The following SLC25A43 variants were observed in gnomAD, a reference collection of about 807,000 sequenced individuals.
The protein encoded by SLC25A43 is solute carrier family 25, member 43.
In SLC25A43, 10 loss-of-function variants were observed where a neutral mutation model predicts 22.8. The observed-to-expected ratio is 0.44, with a 90% CI of 0.27 to 0.74. SLC25A43 has a LOEUF of 0.74. SLC25A43 is among the 30% of genes least tolerant of loss of function. The probability of loss-of-function intolerance (pLI) is 0.17; values close to 1 mark genes in which losing one functional copy is unlikely to be tolerated. For missense variants in SLC25A43, 233 were observed against 279.1 expected (o/e 0.83, Z 1.18); for synonymous variants, 106 against 121.6 (o/e 0.87, Z 0.84).
intron 1 of SLC25A43, among the ~76,000 whole-genome samples, chrX:119,405,808 G>C (rs772063759): frequency 8.8e-4 from 97 of 109,939 alleles, no homozygotes; most frequent in African/African-American, 2.8e-3. Flanking sequence ...GAGCGGGGTG[G>C]ATCACCTGAG....
intron 3 of SLC25A43, among the ~76,000 whole-genome samples, chrX:119,449,897 G>A (rs2052693913): frequency 9.0e-6 from 1 of 111,707 alleles, no homozygotes; most frequent in Admixed American, 9.6e-5. Context: ...AGGGCAGTAA[G>A]GGTGGGCGAA....
chrX:119,425,018 C>T (rs1240285151), intron 3 of SLC25A43, among the ~76,000 whole-genome samples: 3 of 111,490 alleles, frequency 2.7e-5, no homozygotes, highest in Admixed American at 1.9e-4. Context: ...CAGAGCATAA[C>T]GAGCCTGGCT....
chrX:119,454,414 TAG>T lies in SLC25A43; in HGVS notation c.*1357_*1358del, dbSNP rs750220294. The T allele has an allele frequency of 8.9e-6, 1 of 112,359 alleles. No homozygotes were observed. The highest frequency in any genetic ancestry group is 3.2e-5 in the African/African-American group (1 of 30,873). The allele number at this position is 112,359 out of a possible 1,213,427, so 9.3% of individuals were successfully genotyped here. On this transcript the variant is annotated 3_prime_UTR_variant, in exon 5 of 5. Transcript: ENST00000217909. ...TTATACACACACATACACTCATACATAGAGAGAGATTTTCGGTATGTTGCAAG... is the reference window on the plus strand; with the variant it reads ...TTATACACACACATACACTCATACATAGAGAGATTTTCGGTATGTTGCAAG...
intron 2 of SLC25A43, among the ~76,000 whole-genome samples, chrX:119,409,164 A>T (rs1036224489): frequency 1.1e-5 from 1 of 94,225 alleles, no homozygotes; most frequent in Admixed American, 1.2e-4. Flanking sequence ...TATTTTATTT[A>T]TTTATTTATT....
At chrX:119,406,852 T>C (rs1603294232) in intron 2 of SLC25A43, 151 bp downstream of exon 2, 1 of 698,345 alleles carries the variant, frequency 1.4e-6, no homozygotes. Flanking sequence ...CTTCATTCTA[T>C]TCCATAGCCA....
At chrX:119,430,788 C>A (rs1313141667) in intron 3 of SLC25A43, among the ~76,000 whole-genome samples, 1 of 112,360 alleles carries the variant, frequency 8.9e-6, no homozygotes, top group Non-Finnish European at 1.9e-5. Context: ...TCTAGGCTTG[C>A]CATTGCTTTG....
chrX:119,413,444 G>A (rs780660751), intron 3 of SLC25A43, among the ~76,000 whole-genome samples: 6 of 111,352 alleles, frequency 5.4e-5, no homozygotes, highest in Non-Finnish European at 1.1e-4. Flanking sequence ...GGTGGCTCAC[G>A]GCTGTAATCC....
At chrX:119,405,900 C>T (rs1187065917) in intron 1 of SLC25A43, among the ~76,000 whole-genome samples, 2 of 111,625 alleles carry the variant, frequency 1.8e-5, no homozygotes, top group South Asian at 7.5e-4. Context: ...GGCATGGTGG[C>T]GTGCGCCTGT....
intron 3 of SLC25A43, among the ~76,000 whole-genome samples, chrX:119,447,613 TTC>T (rs16277): frequency 0.087 from 9,619 of 110,984 alleles, 512 homozygotes; most frequent in African/African-American, 0.18. Context: ...CAGCCAAAAC[TTC>T]TCTTTTTATG....
chrX:119,441,816 G>A (rs1013094686), intron 3 of SLC25A43, among the ~76,000 whole-genome samples: 15 of 111,618 alleles, frequency 1.3e-4, no homozygotes, highest in Non-Finnish European at 2.6e-4. Flanking sequence ...GTGGCCAGGC[G>A]CAGTGGCTCA....
intron 3 of SLC25A43, among the ~76,000 whole-genome samples, chrX:119,446,151 C>CAAA (rs3078475): frequency 2.6e-4 from 10 of 38,695 alleles, no homozygotes; most frequent in East Asian, 1.2e-3. Flanking sequence ...GACTCCATCT[C>CAAA]AAAAAAAAAA....
At chrX:119,420,451 C>G (rs905476938) in intron 3 of SLC25A43, among the ~76,000 whole-genome samples, 1 of 110,738 alleles carries the variant, frequency 9.0e-6, no homozygotes, top group Non-Finnish European at 1.9e-5. Flanking sequence ...GCATGCGCCA[C>G]CTATGCCTGA....
intron 3 of SLC25A43, among the ~76,000 whole-genome samples, chrX:119,427,606 G>A (rs1457830071): frequency 8.9e-6 from 1 of 112,076 alleles, no homozygotes; most frequent in Non-Finnish European, 1.9e-5. Flanking sequence ...CAATATGACT[G>A]GCATTTTTTT....
At chrX:119,435,553 T>C (rs1317845193) in intron 3 of SLC25A43, among the ~76,000 whole-genome samples, 2 of 61,226 alleles carry the variant, frequency 3.3e-5, no homozygotes, top group Non-Finnish European at 6.0e-5. Flanking sequence ...TGTGCCATGC[T>C]GGTGCGCTGC....
At chrX:119,448,383 A>AC (rs201527556) in intron 3 of SLC25A43, among the ~76,000 whole-genome samples, 143 of 109,130 alleles carry the variant, frequency 1.3e-3, no homozygotes, top group African/African-American at 3.8e-3. Context: ...TCTATTCATA[A>AC]CCCCCCCCAG....
intron 3 of SLC25A43, among the ~76,000 whole-genome samples, chrX:119,421,349 A>G (rs1458521058): frequency 1.8e-5 from 2 of 111,819 alleles, no homozygotes; most frequent in Admixed American, 1.9e-4. Context: ...TCTAAAATCC[A>G]GATTTTTATG....
At chrX:119,409,806 G>A (rs2052333647) in intron 2 of SLC25A43, among the ~76,000 whole-genome samples, 1 of 110,266 alleles carries the variant, frequency 9.1e-6, no homozygotes, top group African/African-American at 3.3e-5. Flanking sequence ...AGTAGAGATG[G>A]GGTTTCACCA....
chrX:119,453,258 G>C lies in SLC25A43; in HGVS notation c.*193G>C. The stretch of plus-strand genomic sequence containing the variant: ...CTGTGAACACCTGCACTATGAGAAG[G>C]TTTCCCAACAAGAGTGTATCATGAT... On this transcript the variant is annotated 3_prime_UTR_variant, in exon 5 of 5. Transcript: ENST00000217909. The C allele has an allele frequency of 2.3e-6, 1 of 434,994 alleles. No homozygotes were observed. The highest frequency in any genetic ancestry group is 4.0e-6 in the Non-Finnish European group (1 of 249,096). 35.8% of individuals were successfully genotyped at this position (434,994 alleles called of 1,213,427 possible).
chrX:119,423,068 G>A (rs1023760183), intron 3 of SLC25A43: 20 of 111,158 alleles, frequency 1.8e-4, no homozygotes, highest in African/African-American at 5.6e-4. Flanking sequence ...CCCTGAAGTC[G>A]GCCCTGTGAA....
Sources: gnomAD v4.1 joint callset for allele counts (sites outside exome capture counted in the v4.1 genomes callset) on GRCh38, gnomAD v4.1.1 for gene constraint, MANE v1.5 for transcripts, NCBI Gene and HGNC (gene_info 2026-07-23, HGNC 2026-07-21) for gene names.